Variants in GUCY2F observed in about 807,000 individuals in gnomAD.
The protein encoded by GUCY2F is retinal guanylyl cyclase 2.
Under a neutral mutation model 73.1 loss-of-function variants are expected in GUCY2F, and 61 were observed. The observed-to-expected ratio is 0.83, with a 90% CI of 0.68 to 1.03. The LOEUF (loss-of-function observed/expected upper bound fraction) is 1.03. GUCY2F is among the 50% of genes least tolerant of loss of function. The pLI, the probability that GUCY2F is intolerant of heterozygous loss-of-function variation, is 0.00. For synonymous variants in GUCY2F, 331 were observed against 307.8 expected (o/e 1.08, Z -0.79); for missense variants, 912 against 854.3 (o/e 1.07, Z -0.84).
At chrX:109,394,772 G>T (rs895614759) in intron 12 of GUCY2F, among the ~76,000 whole-genome samples, 1 of 112,045 alleles carries the variant, frequency 8.9e-6, no homozygotes, top group African/African-American at 3.2e-5. Context: ...AAGGAGGAAG[G>T]TTATCACTTT....
At chrX:109,439,595 A>G (rs1181203848) in intron 7 of GUCY2F, among the ~76,000 whole-genome samples, 1 of 110,544 alleles carries the variant, frequency 9.0e-6, no homozygotes, top group African/African-American at 3.3e-5. Context: ...GCATCTTACT[A>G]TAAGCAGTTA....
intron 6 of GUCY2F, 104 bp from the exon 7 acceptor site, chrX:109,441,586 G>T (rs1166778513): frequency 2.0e-6 from 1 of 505,479 alleles, no homozygotes; most frequent in Admixed American, 4.0e-5. Flanking sequence ...AACCATATGA[G>T]TTGAACCCTG....
chrX:109,441,185 A>G (rs761301972), intron 7 of GUCY2F, among the ~76,000 whole-genome samples, 166 bp downstream of exon 7: 1 of 112,324 alleles, frequency 8.9e-6, no homozygotes, highest in East Asian at 2.8e-4. Flanking sequence ...TGAGGAAAAT[A>G]ATTGCTAAGA....
chrX:109,442,726 C>T (rs1355632448), intron 6 of GUCY2F, among the ~76,000 whole-genome samples: 2 of 111,478 alleles, frequency 1.8e-5, no homozygotes, highest in Non-Finnish European at 3.8e-5. Context: ...GAAATCTCAA[C>T]AGCTCAAAAT....
chrX:109,407,567 A>G (rs753273909), intron 9 of GUCY2F, among the ~76,000 whole-genome samples: 28 of 113,152 alleles, frequency 2.5e-4, no homozygotes, highest in Non-Finnish European at 4.9e-4. Flanking sequence ...GCCACATCAG[A>G]GACCTTCATG....
At chrX:109,374,239 G>C (rs1031531929) in intron 19 of GUCY2F, among the ~76,000 whole-genome samples, 1 of 111,914 alleles carries the variant, frequency 8.9e-6, no homozygotes, top group African/African-American at 3.2e-5. Context: ...GGGGATTTTT[G>C]TGATTTGTAT....
At chrX:109,413,900 G>A (rs987506421) in intron 8 of GUCY2F, among the ~76,000 whole-genome samples, 4 of 110,992 alleles carry the variant, frequency 3.6e-5, no homozygotes, top group Non-Finnish European at 5.7e-5. Flanking sequence ...GTGCTCACCC[G>A]CAGCTATATC....
At chrX:109,471,648 T>C (rs1932577520) in intron 2 of GUCY2F, among the ~76,000 whole-genome samples, 1 of 112,438 alleles carries the variant, frequency 8.9e-6, no homozygotes, top group Non-Finnish European at 1.9e-5. Flanking sequence ...ACTCTCCTAT[T>C]TGACTTTGTC....
At chrX:109,463,426 C>A (rs1399138778) in intron 3 of GUCY2F, among the ~76,000 whole-genome samples, 2 of 105,963 alleles carry the variant, frequency 1.9e-5, no homozygotes. Flanking sequence ...GGAAAGATTT[C>A]CTCACTCTTT....
chrX:109,412,157 G>A (rs1212278323), intron 8 of GUCY2F, among the ~76,000 whole-genome samples: 1 of 112,059 alleles, frequency 8.9e-6, no homozygotes, highest in African/African-American at 3.2e-5. Context: ...TAGATAGAGA[G>A]ATAGGCTTAG....
rs1042436641 is a variant in GUCY2F, at chrX:109,478,460, G to A, written c.-85-2439C>T. 2.7e-5 allele frequency among the ~76,000 whole-genome samples: 3 copies of A among 112,388 alleles called. No homozygotes were observed. In the South Asian group the frequency reaches 1.1e-3, roughly 42 times the overall value. On this transcript the variant is annotated intron_variant, in intron 1 of 19. Coordinates refer to ENST00000218006, the MANE Select transcript of GUCY2F (RefSeq NM_001522.3). Reference sequence around the variant, plus strand: ...TCACTCTTTTGACCACTAGGAATGTGCAACAGTGAGGACAGCTCTATATGG... The same window carrying A: ...TCACTCTTTTGACCACTAGGAATGTACAACAGTGAGGACAGCTCTATATGG...
intron 9 of GUCY2F, among the ~76,000 whole-genome samples, chrX:109,407,935 G>A (rs1477382932): frequency 8.9e-6 from 1 of 112,927 alleles, no homozygotes; most frequent in African/African-American, 3.2e-5. Flanking sequence ...CACTGAGGAA[G>A]GGAAATGTGG....
chrX:109,432,654 A>T (rs978381321), intron 7 of GUCY2F, among the ~76,000 whole-genome samples: 3 of 112,040 alleles, frequency 2.7e-5, no homozygotes, highest in Non-Finnish European at 3.8e-5. Flanking sequence ...CTGTGATGTT[A>T]GGCAGCACAC....
intron 3 of GUCY2F, among the ~76,000 whole-genome samples, chrX:109,463,498 C>T (rs888718462): frequency 1.0e-5 from 1 of 96,309 alleles, no homozygotes; most frequent in Admixed American, 1.2e-4. Context: ...AGTGCAGTGG[C>T]GCCATCTCCG....
chrX:109,400,956 C>T (rs775181588), intron 10 of GUCY2F, among the ~76,000 whole-genome samples: 1 of 111,826 alleles, frequency 8.9e-6, no homozygotes, highest in South Asian at 3.7e-4. Flanking sequence ...TTTTTGGCAT[C>T]CTTTCTCCCT....
At chrX:109,420,166 G>C (rs1490773637) in intron 8 of GUCY2F, among the ~76,000 whole-genome samples, 1 of 103,445 alleles carries the variant, frequency 9.7e-6, no homozygotes, top group Non-Finnish European at 2.0e-5. Context: ...AATTCAAAAT[G>C]GATCATAGGC....
At chrX:109,459,745 A>G (rs777293230) in intron 3 of GUCY2F, among the ~76,000 whole-genome samples, 2 of 111,973 alleles carry the variant, frequency 1.8e-5, no homozygotes, top group Non-Finnish European at 3.8e-5. Flanking sequence ...TGACCAAAAG[A>G]AGCAAACAAA....
rs1400040007 is a variant in GUCY2F at position 109,372,954 on chromosome X, C to T, written c.*47G>A. On this transcript the variant is annotated 3_prime_UTR_variant, in exon 20 of 20. Transcript: ENST00000218006. ...ATTTCTTGAACTGAAGTGAGCTTTC[C>T]CATTGCCTCACCAAGAGAAGATTCA... 2.7e-5 allele frequency: 3 copies of T among 112,984 alleles called. No individual in the cohort carries two copies. Among genetic ancestry groups the T allele is most frequent in the African/African-American group, 9.7e-5 (3 of 31,015 alleles). The allele number at this position is 112,984 out of a possible 1,213,427, so 9.3% of individuals were successfully genotyped here. A position where few individuals can be genotyped will look rare whatever the true frequency, so the allele number is the denominator to read the frequency against.
At chrX:109,480,231 G>A (rs950845140) in intron 1 of GUCY2F, among the ~76,000 whole-genome samples, 3 of 111,380 alleles carry the variant, frequency 2.7e-5, no homozygotes, top group African/African-American at 9.8e-5. Context: ...TCTCGTTAAT[G>A]GAGAGAAAAC....
Sources: allele counts gnomAD v4.1 joint callset (sites outside exome capture counted in the v4.1 genomes callset), GRCh38; gene constraint gnomAD v4.1.1; transcripts MANE v1.5; gene names NCBI Gene and HGNC (gene_info 2026-07-23, HGNC 2026-07-21).